The following DAB1 variants were observed in gnomAD, a reference collection of about 807,000 sequenced individuals.
DAB1 encodes the protein disabled homolog 1.
In DAB1, 15 loss-of-function variants were observed where a neutral mutation model predicts 64.6. The observed-to-expected ratio is 0.23, with a 90% CI of 0.16 to 0.36. The LOEUF (loss-of-function observed/expected upper bound fraction) is 0.36. Ranked by LOEUF, DAB1 falls within the 10% of genes least tolerant of loss-of-function variation. The probability of loss-of-function intolerance (pLI) is 1.00; values close to 1 mark genes in which losing one functional copy is unlikely to be tolerated. For missense variants in DAB1, 596 were observed against 706.7 expected (o/e 0.84, Z 1.78); for synonymous variants, 235 against 251.9 (o/e 0.93, Z 0.64).
At chr1:57,517,297 T>C (rs1157359895) in intron 7 of DAB1, among the ~76,000 whole-genome samples, 1 of 152,126 alleles carries the variant, frequency 6.6e-6, no homozygotes. Context: ...TTAATTCTCT[T>C]ATTGTTTATT....
intron 2 of DAB1, among the ~76,000 whole-genome samples, chr1:58,510,954 A>T (rs1646067678): frequency 6.6e-6 from 1 of 152,118 alleles, no homozygotes; most frequent in Non-Finnish European, 1.5e-5. Flanking sequence ...TCTAAAAAAA[A>T]ACTGATGAAA....
At chr1:58,237,676 C>T (rs745323915) in intron 4 of DAB1, among the ~76,000 whole-genome samples, 6 of 152,072 alleles carry the variant, frequency 3.9e-5, no homozygotes, top group Admixed American at 6.5e-5. Flanking sequence ...TGAAATGCTC[C>T]GTAACAGATT....
chr1:58,051,246 T>A (rs1039412817), intron 5 of DAB1, among the ~76,000 whole-genome samples: 14 of 151,464 alleles, frequency 9.2e-5, no homozygotes, highest in African/African-American at 2.9e-4. Flanking sequence ...CCCTGCCCTG[T>A]GTCCAAGTGA....
At chr1:57,526,875 G>A (rs1354398278) in intron 7 of DAB1, among the ~76,000 whole-genome samples, 1 of 152,032 alleles carries the variant, frequency 6.6e-6, no homozygotes, top group Admixed American at 6.6e-5. Context: ...TCTTTTTAGG[G>A]AAGTTAAGTA....
At chr1:57,060,191 C>T (rs1041454029) in intron 9 of DAB1, among the ~76,000 whole-genome samples, 4 of 112,716 alleles carry the variant, frequency 3.5e-5, no homozygotes, top group Non-Finnish European at 6.5e-5. Flanking sequence ...GGCTCTGTCA[C>T]CCAGGCTAGA....
intron 7 of DAB1, among the ~76,000 whole-genome samples, chr1:57,589,401 A>G (rs538998558): frequency 3.2e-4 from 49 of 152,260 alleles, no homozygotes; most frequent in African/African-American, 1.1e-3. Context: ...TGATTTTTTT[A>G]TATGTAAATG....
chr1:57,171,996 C>A (rs895884577), intron 2 of DAB1, among the ~76,000 whole-genome samples: 1 of 152,056 alleles, frequency 6.6e-6, no homozygotes, highest in Non-Finnish European at 1.5e-5. Context: ...CTTCTAAAGA[C>A]TGGGAGCGAC....
intron 5 of DAB1, among the ~76,000 whole-genome samples, chr1:57,960,426 T>C (rs918750643): frequency 1.3e-5 from 2 of 150,576 alleles, no homozygotes; most frequent in African/African-American, 2.4e-5. Context: ...ACAAACTCAA[T>C]ACAGGAAAAT....
At chr1:57,515,659 C>T (rs1644455615) in intron 7 of DAB1, among the ~76,000 whole-genome samples, 1 of 152,214 alleles carries the variant, frequency 6.6e-6, no homozygotes, top group African/African-American at 2.4e-5. Context: ...GGCTACCATG[C>T]CTGATGGATG....
At chr1:57,843,112 T>C (rs1378729641) in intron 1 of DAB1, among the ~76,000 whole-genome samples, 1 of 152,204 alleles carries the variant, frequency 6.6e-6, no homozygotes, top group Non-Finnish European at 1.5e-5. Context: ...ACTCAAAGTG[T>C]GGTTTCTACT....
chr1:58,141,383 C>T (rs752157719), intron 5 of DAB1, among the ~76,000 whole-genome samples: 26 of 152,096 alleles, frequency 1.7e-4, no homozygotes, highest in Middle Eastern at 3.4e-3. Flanking sequence ...TTCACTATCA[C>T]GAGAACAGCA....
chr1:57,385,893 T>C (rs1230262048), intron 1 of DAB1, among the ~76,000 whole-genome samples: 1 of 152,144 alleles, frequency 6.6e-6, no homozygotes, highest in African/African-American at 2.4e-5. Flanking sequence ...TCACTCCCCT[T>C]GGAAGGTATT....
chr1:58,313,144 T>A (rs111682804), intron 4 of DAB1, among the ~76,000 whole-genome samples: 2 of 152,124 alleles, frequency 1.3e-5, no homozygotes, highest in African/African-American at 4.8e-5. Context: ...GACCCACTCA[T>A]AGTTTATGCA....
chr1:58,054,335 C>T (rs1430449350), intron 5 of DAB1, among the ~76,000 whole-genome samples: 1 of 152,210 alleles, frequency 6.6e-6, no homozygotes, highest in African/African-American at 2.4e-5. Flanking sequence ...ACTCCTCCAT[C>T]TTTATTTCAT....
chr1:58,085,958 C>CTTTTTTTT (rs911523306), intron 5 of DAB1, among the ~76,000 whole-genome samples: 17 of 98,704 alleles, frequency 1.7e-4, no homozygotes, highest in South Asian at 4.7e-4. Flanking sequence ...ATCTCTCTCT[C>CTTTTTTTT]TTTTTTTTTT....
intron 2 of DAB1, among the ~76,000 whole-genome samples, chr1:57,186,207 A>C (rs548224188): frequency 6.6e-6 from 1 of 152,316 alleles, no homozygotes; most frequent in Admixed American, 6.5e-5. Context: ...ATTACATTAG[A>C]ATGTAAATTC....
chr1:57,943,918 CT>C (rs1300996366), intron 5 of DAB1, among the ~76,000 whole-genome samples: 2 of 152,076 alleles, frequency 1.3e-5, no homozygotes, highest in African/African-American at 2.4e-5. Context: ...GCCTTAAGGA[CT>C]CAGCCTACTC....
chr1:57,837,595 G>C (rs1652863243), intron 1 of DAB1, among the ~76,000 whole-genome samples: 1 of 151,964 alleles, frequency 6.6e-6, no homozygotes, highest in African/African-American at 2.4e-5. Context: ...CCCTCCCATA[G>C]CCTCTAGGAA....
intron 7 of DAB1, among the ~76,000 whole-genome samples, chr1:57,463,912 A>T (rs1382774316): frequency 6.6e-6 from 1 of 152,196 alleles, no homozygotes; most frequent in Non-Finnish European, 1.5e-5. Context: ...CCTATCAACA[A>T]CAAATATTTG....
Sources: gnomAD v4.1 joint callset for allele counts (sites outside exome capture counted in the v4.1 genomes callset) on GRCh38, gnomAD v4.1.1 for gene constraint, MANE v1.5 for transcripts, NCBI Gene and HGNC (gene_info 2026-07-23, HGNC 2026-07-21) for gene names.